Variants in CYP51A1 observed in about 807,000 individuals in gnomAD.
The protein encoded by CYP51A1 is lanosterol 14-alpha demethylase.
A neutral mutation model predicts 53.5 loss-of-function variants in CYP51A1; 45 were observed. The ratio of observed to expected loss-of-function variants is 0.84; its 90% CI spans 0.66 to 1.08. The LOEUF is 1.08. CYP51A1 is among the 50% of genes least tolerant of loss of function. CYP51A1 has a pLI of 0.00. For missense variants in CYP51A1, 462 were observed against 621.7 expected, an observed-to-expected ratio of 0.74 and a Z score of 2.73; for synonymous variants, 181 against 217.7, an observed-to-expected ratio of 0.83 and a Z score of 1.48.
chr7:92,123,963 T>A, intron 5 of CYP51A1, 110 bp from the exon 6 acceptor site: 2 of 795,090 alleles, frequency 2.5e-6, no homozygotes, highest in Non-Finnish European at 3.8e-6. Context: ...TAACCAACTT[T>A]AATGACTCTA....
chr7:92,129,687 C>A (rs559593712), intron 2 of CYP51A1, among the ~76,000 whole-genome samples: 7 of 152,164 alleles, frequency 4.6e-5, no homozygotes, highest in African/African-American at 1.7e-4. Flanking sequence ...AATACTGTCC[C>A]AACTCACCAA....
intron 2 of CYP51A1, among the ~76,000 whole-genome samples, chr7:92,129,908 TAAGAGA>T (rs970789309): frequency 6.6e-6 from 1 of 151,778 alleles, no homozygotes; most frequent in Non-Finnish European, 1.5e-5. Flanking sequence ...GCCCTAAAAG[TAAGAGA>T]AAGAGAAAGG....
chr7:92,134,118 T>C, intron 1 of CYP51A1, 55 bp downstream of exon 1: 1 of 1,566,850 alleles, frequency 6.4e-7, no homozygotes. Context: ...CGCCAGCCCT[T>C]CGGCCGCCTC....
chr7:92,114,657 A>G (rs1329525308), intron 9 of CYP51A1, among the ~76,000 whole-genome samples: 2 of 152,224 alleles, frequency 1.3e-5, no homozygotes, highest in African/African-American at 2.4e-5. Flanking sequence ...TAATTCAAGA[A>G]GGGTCACAAA....
intron 7 of CYP51A1, among the ~76,000 whole-genome samples, chr7:92,119,811 C>T (rs190783825): frequency 3.6e-4 from 55 of 152,152 alleles, no homozygotes; most frequent in African/African-American, 1.2e-3. Context: ...ATTGGACTTA[C>T]TAGATAATGA....
chr7:92,132,386 C>T (rs988089694), intron 1 of CYP51A1, among the ~76,000 whole-genome samples: 3 of 152,148 alleles, frequency 2.0e-5, no homozygotes, highest in African/African-American at 7.2e-5. Context: ...ATATTACTTA[C>T]AATACCCAAT....
intron 1 of CYP51A1, among the ~76,000 whole-genome samples, chr7:92,133,583 A>G (rs1819969165): frequency 6.6e-6 from 1 of 152,176 alleles, no homozygotes; most frequent in African/African-American, 2.4e-5. Flanking sequence ...CTGTTACATT[A>G]TTAGCATCAG....
intron 9 of CYP51A1, among the ~76,000 whole-genome samples, chr7:92,115,842 T>C (rs902631884): frequency 4.6e-5 from 7 of 152,226 alleles, no homozygotes; most frequent in Non-Finnish European, 1.0e-4. Context: ...TGAGCCATCA[T>C]AAAAGGTAAC....
intron 5 of CYP51A1, among the ~76,000 whole-genome samples, chr7:92,125,317 T>C (rs1237360428): frequency 6.6e-6 from 1 of 152,130 alleles, no homozygotes; most frequent in Non-Finnish European, 1.5e-5. Context: ...CTCCTGGCTC[T>C]TCCTTTTACT....
Position 92,126,377 on chromosome 7 carries a change from A to T in CYP51A1, c.646T>A (p.Leu216Met). 6.2e-7 allele frequency: 1 copy of T among 1,613,858 alleles called. No individual in the cohort carries two copies. The highest frequency in any genetic ancestry group is 8.5e-7 in the Non-Finnish European group (1 of 1,179,868). ...TGACTTCTGATTTCCTTTCCATGCA[A>T]ACAATGGCTAGCTGTTAAAATTATG... The part of the protein sequence containing the change: ...ELIILTASHC[L>M]HGKEIRSQLN... Residue 216 changes from leucine to methionine, a missense_variant, in exon 5 of 10, where the codon TTG becomes ATG. Leu to Met is a conservative substitution (Grantham distance 15). Coordinates refer to ENST00000003100, the MANE Select transcript of CYP51A1 (RefSeq NM_000786.4).
Position 92,115,958 on chromosome 7 carries a change from G to A in CYP51A1, c.1351+1086C>T, listed in dbSNP as rs115777658. On this transcript the variant is annotated intron_variant, in intron 9 of 9. Coordinates refer to ENST00000003100, the MANE Select transcript of CYP51A1 (RefSeq NM_000786.4). ...GCAGAATTTGGGCTACAGAACTAAT[G>A]CTCTTCCCATCTGTTAACAATCTGA... Among the ~76,000 whole-genome samples, 554 of 152,324 alleles carry A rather than the reference G, an allele frequency of 3.6e-3. 5 individuals carry two copies. Among genetic ancestry groups the A allele is most frequent in the African/African-American group, 0.013 (529 of 41,570 alleles).
rs181190334 is a variant in CYP51A1 at position 92,125,355 on chromosome 7, A to G, written c.770+898T>C. 2.6e-3 allele frequency among the ~76,000 whole-genome samples: 395 copies of G among 152,192 alleles called. 4 individuals are homozygous for G. Among genetic ancestry groups the G allele is most frequent in the African/African-American group, 9.3e-3 (388 of 41,532 alleles). Reference sequence around the variant, plus strand: ...CACCCCTCTTCCAATCTGTAACTAGATAGAGGGGGCAGAAATAGAAGAAAA... The same window carrying G: ...CACCCCTCTTCCAATCTGTAACTAGGTAGAGGGGGCAGAAATAGAAGAAAA... On this transcript the variant is annotated intron_variant, in intron 5 of 9. Transcript: ENST00000003100.
rs1168076514 is a variant in CYP51A1, at chr7:92,113,656, C to T, written c.*9G>A. 1 of 1,610,814 alleles carries T rather than the reference C, an allele frequency of 6.2e-7. No homozygotes were observed. The highest frequency in any genetic ancestry group is 1.7e-5 in the Admixed American group (1 of 59,848). On this transcript the variant is annotated 3_prime_UTR_variant, in exon 10 of 10. Coordinates refer to ENST00000003100, the MANE Select transcript of CYP51A1 (RefSeq NM_000786.4). ...GATAATCACATATATTCGTTCCTTGCAACCTTTTTCATTTTGATCTTCGTT... is the reference window on the plus strand; with the variant it reads ...GATAATCACATATATTCGTTCCTTGTAACCTTTTTCATTTTGATCTTCGTT...
At chr7:92,121,936 T>G (rs146703498) in intron 7 of CYP51A1, among the ~76,000 whole-genome samples, 1 of 152,196 alleles carries the variant, frequency 6.6e-6, no homozygotes, top group Admixed American at 6.5e-5. Context: ...CCACAAAGTG[T>G]ACATTTTAAA....
At position 92,117,174 on chromosome 7, in the gene CYP51A1, C is replaced by A; in HGVS notation, c.1221G>T (p.Val407=). 4 of 1,614,086 alleles carry A rather than the reference C, an allele frequency of 2.5e-6. No homozygotes were observed. Among genetic ancestry groups the A allele is most frequent in the Non-Finnish European group, 3.4e-6 (4 of 1,179,976 alleles). ...TTTGATTGACAGTGGGAGAAACACACACCTGATGTCCTGGAGGAATGGTAT... is the reference window on the plus strand; with the variant it reads ...TTTGATTGACAGTGGGAGAAACACAAACCTGATGTCCTGGAGGAATGGTAT... ...AGYTIPPGHQ[V]CVSPTVNQRL... is the part of the protein sequence containing the mutation. The change falls in exon 9 of 10, where the codon GTG becomes GTT. Residue 407 remains valine, a synonymous_variant. Coordinates refer to ENST00000003100, the MANE Select transcript of CYP51A1 (RefSeq NM_000786.4).
chr7:92,119,755 A>G (rs1225079089), intron 7 of CYP51A1, among the ~76,000 whole-genome samples: 1 of 152,194 alleles, frequency 6.6e-6, no homozygotes, highest in East Asian at 1.9e-4. Context: ...CAGTACATAG[A>G]AAAAGCAAGC....
At position 92,115,019 on chromosome 7, in the gene CYP51A1, A is replaced by T. The variant is rs181475683; in HGVS notation, c.1352-1176T>A. On this transcript the variant is annotated intron_variant, in intron 9 of 9. Coordinates refer to ENST00000003100, the MANE Select transcript of CYP51A1 (RefSeq NM_000786.4). ...TAACAACTAAAGAGAAGCTTGGCTT[A>T]CAGGAAGAATAGTCCAAGGATTTAA... 2.6e-5 allele frequency among the ~76,000 whole-genome samples: 4 copies of T among 152,354 alleles called. No homozygotes were observed. In the East Asian group the frequency reaches 7.7e-4, roughly 29 times the overall value.
chr7:92,127,707 A>G, intron 3 of CYP51A1, 76 bp from the exon 4 acceptor site: 2 of 1,447,206 alleles, frequency 1.4e-6, no homozygotes, highest in Non-Finnish European at 1.9e-6. Flanking sequence ...TTAGGTTATT[A>G]TAATTATGTA....
In CYP51A1 at chr7:92,123,291, A is replaced by G; in HGVS notation, c.915T>C (p.Asp305=). 2 of 1,613,808 alleles carry G rather than the reference A, an allele frequency of 1.2e-6. No individual in the cohort carries two copies. The highest frequency in any genetic ancestry group is 1.7e-6 in the Non-Finnish European group (2 of 1,179,832). ...ATCCAATAAGCATCCCTGCTACTTC[A>G]TCATCAGTCAAAGGACGCCCATCCC... ...TYKDGRPLTD[D]EVAGMLIGLL... The change falls in exon 7 of 10, where the codon GAT becomes GAC. Residue 305 remains aspartate, a synonymous_variant. Transcript: ENST00000003100.
Sources: allele counts gnomAD v4.1 joint callset (sites outside exome capture counted in the v4.1 genomes callset), GRCh38; gene constraint gnomAD v4.1.1; transcripts MANE v1.5; gene names NCBI Gene and HGNC (gene_info 2026-07-23, HGNC 2026-07-21).